The following GTF3C3 variants were observed in gnomAD, a reference collection of about 807,000 sequenced individuals.
GTF3C3 encodes general transcription factor 3C polypeptide 3.
Under a neutral mutation model 105.2 loss-of-function variants are expected in GTF3C3, and 75 were observed. That is an observed-to-expected ratio of 0.71 (90% confidence interval 0.59 to 0.86). The LOEUF (loss-of-function observed/expected upper bound fraction) is 0.86, where lower values mean the gene tolerates loss of function less well. Among genes scored for constraint, GTF3C3 ranks in the 40% least tolerant of loss-of-function variants. The pLI is 0.00. For synonymous variants in GTF3C3, 335 were observed against 370.4 expected (o/e 0.90, Z 1.10); for missense variants, 856 against 1,076.5 (o/e 0.80, Z 2.87).
At chr2:196,793,677 AGT>A (rs1251385258) in intron 2 of GTF3C3, among the ~76,000 whole-genome samples, 1 of 152,026 alleles carries the variant, frequency 6.6e-6, no homozygotes, top group African/African-American at 2.4e-5. Context: ...GGACAAAATG[AGT>A]GTGAGTGTGT....
In GTF3C3 at chr2:196,789,204, T is replaced by C. The variant is rs1699504590; in HGVS notation, c.893A>G (p.Lys298Arg). The part of the protein sequence containing the change: ...RFMQLARDMA[K>R]SYYEANDVTS... ...TAGATCTGTTTCACTCCAAACTTAC[T>C]TTGCCATATCTCTAGCCAGCTGCAT... The change falls in exon 6 of 18, where the codon AAG (lysine) becomes AGG (arginine). Residue 298 changes from lysine (K) to arginine (R), a missense_variant and splice_region_variant. Lys to Arg is a conservative substitution (Grantham distance 26). Around this residue, in one of 3 missense-constraint regions of GTF3C3, gnomAD observed 605 missense variants for 833.6 expected, o/e 0.73. Coordinates refer to ENST00000263956, the MANE Select transcript of GTF3C3 (RefSeq NM_012086.5). 1 of 1,595,400 alleles carries C rather than the reference T, an allele frequency of 6.3e-7. No individual in the cohort carries two copies. The highest frequency in any genetic ancestry group is 1.3e-5 in the African/African-American group (1 of 74,164).
rs1699006435 is a variant in GTF3C3 at position 196,763,539 on chromosome 2, A to G, written c.*1024T>C. 1 of 152,258 alleles carries G rather than the reference A, an allele frequency of 6.6e-6. No homozygotes were observed. Among genetic ancestry groups the G allele is most frequent in the South Asian group, 2.1e-4 (1 of 4,832 alleles). The allele number at this position is 152,258 out of a possible 1,614,324, so 9.4% of individuals were successfully genotyped here. A position where few individuals can be genotyped will look rare whatever the true frequency, so the allele number is the denominator to read the frequency against. Reference sequence around the variant, plus strand: ...ACTTATTGCATACAAATTCTGCTCAACTAGAAAGTTTTGTGTACAGTAGAA... The same window carrying G: ...ACTTATTGCATACAAATTCTGCTCAGCTAGAAAGTTTTGTGTACAGTAGAA... On this transcript the variant is annotated 3_prime_UTR_variant, in exon 18 of 18. Transcript: ENST00000263956.
chr2:196,780,141 C>G (rs1359232324), intron 9 of GTF3C3: 1 of 308,300 alleles, frequency 3.2e-6, no homozygotes, highest in African/African-American at 2.3e-5. Flanking sequence ...AAAAGCATCC[C>G]AACCCATGAG....
intron 10 of GTF3C3, chr2:196,778,046 C>T (rs1437779119): frequency 1.3e-5 from 2 of 152,144 alleles, no homozygotes; most frequent in African/African-American, 2.4e-5. Context: ...GCTCTCTTTC[C>T]TAGCTCATAT....
In GTF3C3 at chr2:196,791,023, G is replaced by C. The variant is rs144286545; in HGVS notation, c.535+314C>G. 1.1e-3 allele frequency among the ~76,000 whole-genome samples: 165 copies of C among 151,188 alleles called. No individual in the cohort carries two copies. In the East Asian group the frequency reaches 0.019, roughly 17 times the overall value. Reference sequence around the variant, plus strand: ...ATCTAGTACTGCATGATCTAGAAAAGAAAAGGAAAAAAGAAAGCTCTTCAA... The same window carrying C: ...ATCTAGTACTGCATGATCTAGAAAACAAAAGGAAAAAAGAAAGCTCTTCAA... On this transcript the variant is annotated intron_variant, in intron 4 of 17. Coordinates refer to ENST00000263956, the MANE Select transcript of GTF3C3 (RefSeq NM_012086.5).
chr2:196,769,200 A>C (rs1202749804), intron 16 of GTF3C3, among the ~76,000 whole-genome samples: 1 of 152,210 alleles, frequency 6.6e-6, no homozygotes. Flanking sequence ...ATTTTAATGC[A>C]GGCTTTATTT....
In GTF3C3 at chr2:196,764,516, G is replaced by A; in HGVS notation, c.*47C>T. On this transcript the variant is annotated 3_prime_UTR_variant, in exon 18 of 18. Coordinates refer to ENST00000263956, the MANE Select transcript of GTF3C3 (RefSeq NM_012086.5). ...AATAAGCCCTGAGACAGAAGACACT[G>A]GTCCTCACACAGCAGCTGCCATTGC... The A allele has an allele frequency of 6.4e-7, 1 of 1,553,498 alleles. No individual in the cohort carries two copies. Among genetic ancestry groups the A allele is most frequent in the South Asian group, 1.2e-5 (1 of 81,718 alleles).
chr2:196,785,697 T>G, intron 6 of GTF3C3, 109 bp from the exon 7 acceptor site: 1 of 671,370 alleles, frequency 1.5e-6, no homozygotes, highest in Non-Finnish European at 2.5e-6. Flanking sequence ...TTTCTTAGAA[T>G]TTGAGAGGAA....
intron 16 of GTF3C3, among the ~76,000 whole-genome samples, chr2:196,767,508 G>A (rs1301295892): frequency 6.6e-6 from 1 of 152,104 alleles, no homozygotes; most frequent in East Asian, 1.9e-4. Context: ...TTATTCTCTA[G>A]ATGATCTGCT....
intron 10 of GTF3C3, 88 bp downstream of exon 10, chr2:196,778,808 G>T: frequency 8.5e-7 from 1 of 1,175,560 alleles, no homozygotes; most frequent in Non-Finnish European, 1.3e-6. Context: ...AGAAACACTT[G>T]CACTATAATA....
At chr2:196,790,704 A>C (rs1318349300) in intron 4 of GTF3C3, among the ~76,000 whole-genome samples, 2 of 152,186 alleles carry the variant, frequency 1.3e-5, no homozygotes, top group Admixed American at 6.5e-5. Flanking sequence ...GCCTCAAATT[A>C]CCCTAATGAA....
At chr2:196,795,248 G>A (rs1233875858) in intron 2 of GTF3C3, among the ~76,000 whole-genome samples, 2 of 152,040 alleles carry the variant, frequency 1.3e-5, no homozygotes, top group Admixed American at 6.5e-5. Context: ...ATGTTGGCCA[G>A]GCTGGTCTTA....
rs76804254 is a variant in GTF3C3, at chr2:196,780,673, C to T, written c.1115-11G>A. 0.12 allele frequency: 199,814 copies of T among 1,607,540 alleles called. 13,399 individuals are homozygous for T. The highest frequency in any genetic ancestry group is 0.14 in the Non-Finnish European group (162,240 of 1,175,850). On this transcript the variant is annotated splice_polypyrimidine_tract_variant and intron_variant, in intron 8 of 17. Coordinates refer to ENST00000263956, the MANE Select transcript of GTF3C3 (RefSeq NM_012086.5). ...TAACATTCTCAGGAGCTGGAGAATA[C>T]ACAGACAAGAAGCAGTTACTATATG...
Position 196,764,512 on chromosome 2 carries a change from C to T in GTF3C3, c.*51G>A, listed in dbSNP as rs2125736019. The T allele has an allele frequency of 1.3e-6, 2 of 1,535,842 alleles. No homozygotes were observed. The highest frequency in any genetic ancestry group is 1.8e-6 in the Non-Finnish European group (2 of 1,130,070). On this transcript the variant is annotated 3_prime_UTR_variant, in exon 18 of 18. Transcript: ENST00000263956. ...AAATAATAAGCCCTGAGACAGAAGA[C>T]ACTGGTCCTCACACAGCAGCTGCCA...
intron 17 of GTF3C3, among the ~76,000 whole-genome samples, chr2:196,765,465 A>G (rs866710616): frequency 2.0e-5 from 3 of 152,010 alleles, no homozygotes; most frequent in African/African-American, 7.2e-5. Flanking sequence ...TATTGACAGG[A>G]CTATAGTATT....
rs1453279859 is a variant in GTF3C3 at position 196,769,964 on chromosome 2, T to A, written c.2336A>T (p.His779Leu). The A allele has an allele frequency of 6.2e-7, 1 of 1,604,606 alleles. No individual in the cohort carries two copies. The highest frequency in any genetic ancestry group is 8.5e-7 in the Non-Finnish European group (1 of 1,175,522). The change falls in exon 16 of 18, where the codon CAT becomes CTT. Residue 779 changes from histidine (H) to leucine (L), a missense_variant. His to Leu is a moderately conservative substitution (Grantham distance 99). Coordinates refer to ENST00000263956, the MANE Select transcript of GTF3C3 (RefSeq NM_012086.5). ...TAACACATACTTCTGAGATGCCATA[T>A]GAATAAAGGTTAGGCCTATACAGAA... ...YSFCIGLTFI[H>L]MASQKYVLRR...
intron 3 of GTF3C3, among the ~76,000 whole-genome samples, chr2:196,792,084 G>A (rs959822384): frequency 2.6e-5 from 4 of 151,940 alleles, no homozygotes; most frequent in African/African-American, 7.3e-5. Flanking sequence ...GTAATTTACT[G>A]AAGATCCCCC....
chr2:196,772,023 A>AGG, intron 14 of GTF3C3, 85 bp from the exon 15 acceptor site: 21 of 843,048 alleles, frequency 2.5e-5, no homozygotes, highest in Non-Finnish European at 4.2e-5. Flanking sequence ...GTGCTGTCCT[A>AGG]CCAGCACTGA....
chr2:196,767,412 A>G (rs75615461), intron 16 of GTF3C3, among the ~76,000 whole-genome samples: 3,203 of 152,348 alleles, frequency 0.021, 37 homozygotes, highest in Middle Eastern at 0.045. Context: ...ACAAATTGCA[A>G]AGGTCTGAGT....
Sources: allele counts gnomAD v4.1 joint callset (sites outside exome capture counted in the v4.1 genomes callset), GRCh38; gene constraint gnomAD v4.1.1; regional missense constraint gnomAD v4.1.1; transcripts MANE v1.5; gene names NCBI Gene and HGNC (gene_info 2026-07-23, HGNC 2026-07-21).